GLI2: variants seen among roughly 807,000 people sequenced by gnomAD.
GLI2 encodes the protein GLI family zinc finger 2.
Under a neutral mutation model 78.9 loss-of-function variants are expected in GLI2, and 22 were observed. The ratio of observed to expected loss-of-function variants is 0.28; its 90% CI spans 0.20 to 0.40. The LOEUF is 0.40. Ranked by LOEUF, GLI2 falls within the 10% of genes least tolerant of loss-of-function variation. The probability of loss-of-function intolerance (pLI) is 1.00; values close to 1 mark genes in which losing one functional copy is unlikely to be tolerated. For synonymous variants in GLI2, 974 were observed against 963.7 expected (o/e 1.01, Z -0.20); for missense variants, 2,097 against 2,213.2 (o/e 0.95, Z 1.05).
chr2:120,902,136 G>A (rs1678289391), intron 2 of GLI2, among the ~76,000 whole-genome samples: 1 of 151,634 alleles, frequency 6.6e-6, no homozygotes, highest in Non-Finnish European at 1.5e-5. Flanking sequence ...GCCACAGTGA[G>A]AGCATTTACA....
intron 1 of GLI2, among the ~76,000 whole-genome samples, chr2:120,748,321 A>C (rs951201314): frequency 3.3e-5 from 5 of 152,228 alleles, no homozygotes; most frequent in African/African-American, 1.2e-4. Context: ...AAAGCCCCAG[A>C]GTGAAGGCCT....
intron 1 of GLI2, among the ~76,000 whole-genome samples, chr2:120,743,396 G>T (rs1682609233): frequency 6.6e-6 from 1 of 152,042 alleles, no homozygotes. Context: ...TGGAGTTCAG[G>T]AGTTCGAGGC....
intron 2 of GLI2, among the ~76,000 whole-genome samples, chr2:120,848,258 C>A (rs971054994): frequency 6.6e-6 from 1 of 152,198 alleles, no homozygotes; most frequent in Non-Finnish European, 1.5e-5. Flanking sequence ...AAGCAGAAGC[C>A]TCCTGCCCTG....
At chr2:120,798,251 C>T (rs531607532) in intron 2 of GLI2, among the ~76,000 whole-genome samples, 52 of 152,360 alleles carry the variant, frequency 3.4e-4, no homozygotes, top group Middle Eastern at 3.4e-3. Flanking sequence ...GCCTTTTCTT[C>T]CGGCGGGCGC....
chr2:120,960,931 G>A (rs1681522667), intron 5 of GLI2, among the ~76,000 whole-genome samples: 1 of 152,242 alleles, frequency 6.6e-6, no homozygotes, highest in African/African-American at 2.4e-5. Context: ...CAGGAGCGCT[G>A]CTGTGTGGGA....
At chr2:120,753,837 G>T (rs1358079460) in intron 1 of GLI2, among the ~76,000 whole-genome samples, 1 of 151,136 alleles carries the variant, frequency 6.6e-6, no homozygotes, top group Non-Finnish European at 1.5e-5. Flanking sequence ...GGCGGAGCTT[G>T]CAGTGATCTT....
Position 120,955,152 on chromosome 2 carries a change from CCTTTTTTTTTT to C in GLI2, c.458-92_458-82del, listed in dbSNP as rs1229427860. The C allele has an allele frequency of 3.5e-3, 1,055 of 304,608 alleles. 8 individuals are homozygous for C. The highest frequency in any genetic ancestry group is 4.7e-3 in the Non-Finnish European group (790 of 168,610). The allele number at this position is 304,608 out of a possible 1,614,324, so 18.9% of individuals were successfully genotyped here. A position where few individuals can be genotyped will look rare whatever the true frequency, so the allele number is the denominator to read the frequency against. ...GACACCAGGTGTGCATTTCTCTCTG[CCTTTTTTTTTT>C]TTTTTTTTTTTTTTTTTTGGCAGGA... On this transcript the variant is annotated intron_variant, in intron 4 of 13. Transcript: ENST00000361492.
chr2:120,747,026 T>C (rs1421681973), intron 1 of GLI2, among the ~76,000 whole-genome samples: 1 of 152,236 alleles, frequency 6.6e-6, no homozygotes, highest in Non-Finnish European at 1.5e-5. Flanking sequence ...AGACTGTTCC[T>C]AGTTTTTGTT....
chr2:120,829,274 A>G (rs909577195), intron 2 of GLI2, among the ~76,000 whole-genome samples: 2 of 152,242 alleles, frequency 1.3e-5, no homozygotes, highest in Admixed American at 6.5e-5. Context: ...GCCTCAGAGC[A>G]TGTTAGTACT....
intron 2 of GLI2, among the ~76,000 whole-genome samples, chr2:120,873,441 T>C (rs1222565814): frequency 6.6e-6 from 1 of 152,226 alleles, no homozygotes; most frequent in Non-Finnish European, 1.5e-5. Context: ...TACTTTTCAA[T>C]TTGACAGACC....
rs537396771 is a variant in GLI2, at chr2:120,984,625, A to G, written c.1787A>G (p.Asn596Ser). 15 of 1,614,192 alleles carry G rather than the reference A, an allele frequency of 9.3e-6. No homozygotes were observed. The South Asian group carries it at 1.3e-4, about 14-fold the overall frequency. The change falls in exon 12 of 14, where the codon AAT (asparagine) becomes AGT (serine). Residue 596 changes from asparagine (N) to serine (S), a missense_variant. By Grantham distance (46) the Asn-to-Ser change is conservative. Transcript: ENST00000361492. ...CTCCGCACACCGCTGCTCAAAGAGA[A>G]TGGGGACAGTGAGGCCGGCACGGAG... The part of the protein sequence containing the change: ...VHLRTPLLKE[N>S]GDSEAGTEPG...
At chr2:120,950,760 C>G (rs1479497866) in intron 3 of GLI2, among the ~76,000 whole-genome samples, 1 of 152,252 alleles carries the variant, frequency 6.6e-6, no homozygotes, top group Non-Finnish European at 1.5e-5. Context: ...TCTCCACTTG[C>G]AGGACATCTC....
chr2:120,834,249 C>T (rs1252119379), intron 2 of GLI2, among the ~76,000 whole-genome samples: 3 of 152,200 alleles, frequency 2.0e-5, no homozygotes, highest in African/African-American at 4.8e-5. Flanking sequence ...CTTGGGGAAG[C>T]ATCAGGGTCA....
chr2:120,819,161 C>T (rs1374639338), intron 2 of GLI2, among the ~76,000 whole-genome samples: 1 of 151,728 alleles, frequency 6.6e-6, no homozygotes, highest in Non-Finnish European at 1.5e-5. Flanking sequence ...TGAGTGACCT[C>T]CAGATGGGTG....
At chr2:120,922,591 A>G (rs1428982111) in intron 2 of GLI2, among the ~76,000 whole-genome samples, 1 of 152,224 alleles carries the variant, frequency 6.6e-6, no homozygotes, top group Non-Finnish European at 1.5e-5. Flanking sequence ...AACAAGGTTA[A>G]TGGTAAAACT....
At chr2:120,932,421 T>A (rs1293710790) in intron 3 of GLI2, among the ~76,000 whole-genome samples, 1 of 152,092 alleles carries the variant, frequency 6.6e-6, no homozygotes, top group African/African-American at 2.4e-5. Flanking sequence ...GCACCCAGTG[T>A]GTGCAGGCTC....
rs1360594170 is a variant in GLI2 at position 120,750,436 on chromosome 2, G to A, written c.-31+14151G>A. 2.6e-5 allele frequency among the ~76,000 whole-genome samples: 4 copies of A among 152,238 alleles called. No individual in the cohort carries two copies. In the South Asian group the frequency reaches 6.2e-4, roughly 24 times the overall value. On this transcript the variant is annotated intron_variant, in intron 1 of 13. Coordinates refer to ENST00000361492, the MANE Select transcript of GLI2 (RefSeq NM_001374353.1). ...GAGCAAGGGGCTCAGAGCAGGCACT[G>A]GAGATAGACTGCAAATCCAGCTCTG...
chr2:120,984,962 GTGTGTGGCAGCACGC>G (rs1682902287), intron 12 of GLI2, among the ~76,000 whole-genome samples: 1 of 152,212 alleles, frequency 6.6e-6, no homozygotes, highest in African/African-American at 2.4e-5. Context: ...CTCCTGCTGG[GTGTGTGGCAGCACGC>G]TGGGTGACAG....
chr2:120,898,952 G>T (rs924797053), intron 2 of GLI2, among the ~76,000 whole-genome samples: 1 of 152,098 alleles, frequency 6.6e-6, no homozygotes, highest in African/African-American at 2.4e-5. Context: ...AGGAGCTATG[G>T]CAGTTGTCAG....
Sources: gnomAD v4.1 joint callset for allele counts (sites outside exome capture counted in the v4.1 genomes callset) on GRCh38, gnomAD v4.1.1 for gene constraint, MANE v1.5 for transcripts, NCBI Gene and HGNC (gene_info 2026-07-23, HGNC 2026-07-21) for gene names.